THEMIS: variants seen among roughly 807,000 people sequenced by gnomAD.
THEMIS encodes protein THEMIS.
THEMIS carries 37 observed loss-of-function variants against 52.6 expected under a neutral mutation model. That is an observed-to-expected ratio of 0.70 (90% CI 0.54 to 0.93). THEMIS has a LOEUF of 0.93. Among genes scored for constraint, THEMIS ranks in the 40% least tolerant of loss-of-function variants. The pLI, the probability that THEMIS is intolerant of heterozygous loss-of-function variation, is 0.00. For synonymous variants in THEMIS, 292 were observed against 272.7 expected, an observed-to-expected ratio of 1.07 and a Z score of -0.70; for missense variants, 808 against 763.1, an observed-to-expected ratio of 1.06 and a Z score of -0.69.
At chr6:127,865,339 G>A (rs1014392676) in intron 1 of THEMIS, among the ~76,000 whole-genome samples, 1 of 152,098 alleles carries the variant, frequency 6.6e-6, no homozygotes, top group African/African-American at 2.4e-5. Context: ...GGTTTATAAG[G>A]TATCTCTAAG....
rs369097146 is a variant in THEMIS at position 127,813,856 on chromosome 6, T to C, written c.785A>G (p.Asn262Ser). The C allele has an allele frequency of 7.4e-6, 12 of 1,612,834 alleles. No individual in the cohort carries two copies. In the African/African-American group the frequency reaches 1.6e-4, roughly 22 times the overall value. Residue 262 changes from asparagine to serine, a missense_variant, in exon 4 of 6, where the codon AAC becomes AGC. Transcript: ENST00000368248. ...VKDITDSYDA[N>S]WFLQLLSTED... ...TGTTGATAACAGCTGAAGAAACCAG[T>C]TAGCATCGTAAGAATCAGTGATGTC...
chr6:127,850,448 A>G (rs1234935339), intron 2 of THEMIS, among the ~76,000 whole-genome samples: 1 of 151,914 alleles, frequency 6.6e-6, no homozygotes, highest in Non-Finnish European at 1.5e-5. Context: ...CATGTTTATA[A>G]CAGCACAATT....
Position 127,832,777 on chromosome 6 carries a change from C to CTTTTTTTTTTTTTTT in THEMIS, c.251-2858_251-2844dup, listed in dbSNP as rs11355741. ...CTATTTCCACCTAGGATTGTCAGAT[C>CTTTTTTTTTTTTTTT]TTTTTTTTTTTTTTTTTTTTTTTTG... On this transcript the variant is annotated intron_variant, in intron 2 of 5. Transcript: ENST00000368248. Among the ~76,000 whole-genome samples, 112 of 57,804 alleles carry CTTTTTTTTTTTTTTT rather than the reference C, an allele frequency of 1.9e-3. 22 individuals are homozygous for CTTTTTTTTTTTTTTT. Among genetic ancestry groups the CTTTTTTTTTTTTTTT allele is most frequent in the East Asian group, 2.5e-3 (4 of 1,612 alleles). The allele number at this position is 57,804 out of a possible 152,430, so 37.9% of individuals were successfully genotyped here. A position where few individuals can be genotyped will look rare whatever the true frequency, so the allele number is the denominator to read the frequency against.
chr6:127,780,494 T>A (rs975237836), intron 4 of THEMIS, among the ~76,000 whole-genome samples: 3 of 152,234 alleles, frequency 2.0e-5, no homozygotes, highest in Admixed American at 2.0e-4. Flanking sequence ...ATAGTGTTGA[T>A]GGTCTTTACA....
chr6:127,862,096 C>T (rs1456044304), intron 1 of THEMIS, among the ~76,000 whole-genome samples: 1 of 152,016 alleles, frequency 6.6e-6, no homozygotes, highest in Non-Finnish European at 1.5e-5. Flanking sequence ...AGGATGTAGT[C>T]TCAAGGAGTT....
At chr6:127,828,291 A>G (rs1778577420) in intron 3 of THEMIS, among the ~76,000 whole-genome samples, 1 of 152,228 alleles carries the variant, frequency 6.6e-6, no homozygotes, top group South Asian at 2.1e-4. Context: ...AAAATCAAAG[A>G]AATCTCAATT....
chr6:127,725,816 A>C (rs1774525558), intron 4 of THEMIS, among the ~76,000 whole-genome samples: 1 of 151,986 alleles, frequency 6.6e-6, no homozygotes, highest in Non-Finnish European at 1.5e-5. Context: ...CTATCTTTTG[A>C]CCCTTTCCTG....
intron 3 of THEMIS, among the ~76,000 whole-genome samples, chr6:127,814,351 G>T (rs1360271677): frequency 6.6e-6 from 1 of 152,066 alleles, no homozygotes; most frequent in Non-Finnish European, 1.5e-5. Flanking sequence ...TTATATGAAG[G>T]TTTATAAATT....
At chr6:127,859,541 C>T (rs1779727631) in intron 1 of THEMIS, among the ~76,000 whole-genome samples, 1 of 151,978 alleles carries the variant, frequency 6.6e-6, no homozygotes. Flanking sequence ...AATTTTGTGT[C>T]ATTGTAAAAT....
chr6:127,815,361 C>T (rs1013946190), intron 3 of THEMIS, among the ~76,000 whole-genome samples: 7 of 151,828 alleles, frequency 4.6e-5, no homozygotes, highest in African/African-American at 1.7e-4. Flanking sequence ...ATTTAGAAGA[C>T]AGAATATCCT....
intron 4 of THEMIS, among the ~76,000 whole-genome samples, chr6:127,764,554 C>T (rs1349755158): frequency 6.6e-6 from 1 of 151,958 alleles, no homozygotes; most frequent in Non-Finnish European, 1.5e-5. Flanking sequence ...CTTATCCACT[C>T]CTTGACTATT....
At chr6:127,891,554 A>G (rs1373656184) in intron 1 of THEMIS, among the ~76,000 whole-genome samples, 3 of 117,554 alleles carry the variant, frequency 2.6e-5, no homozygotes, top group Admixed American at 1.0e-4. Context: ...AAAAAAAAAA[A>G]AAGAAAGAAA....
chr6:127,757,412 A>G (rs1363425964), intron 4 of THEMIS, among the ~76,000 whole-genome samples: 1 of 152,210 alleles, frequency 6.6e-6, no homozygotes, highest in African/African-American at 2.4e-5. Flanking sequence ...AATGGCAGAT[A>G]GCTATAGACG....
chr6:127,852,925 A>G (rs955757277), intron 2 of THEMIS, among the ~76,000 whole-genome samples: 1 of 151,578 alleles, frequency 6.6e-6, no homozygotes, highest in Admixed American at 6.6e-5. Context: ...TAATAGATGC[A>G]AGATTATCAT....
chr6:127,864,746 C>A (rs1391534610), intron 1 of THEMIS, among the ~76,000 whole-genome samples: 2 of 152,072 alleles, frequency 1.3e-5, no homozygotes, highest in African/African-American at 4.8e-5. Context: ...CAACACTTAC[C>A]TGAACGTCCA....
intron 1 of THEMIS, among the ~76,000 whole-genome samples, chr6:127,871,660 C>A (rs962324925): frequency 1.3e-5 from 2 of 151,998 alleles, no homozygotes; most frequent in Non-Finnish European, 2.9e-5. Context: ...ATAAGGGAAT[C>A]AATTTTACCA....
At chr6:127,850,807 G>A (rs1270002919) in intron 2 of THEMIS, among the ~76,000 whole-genome samples, 2 of 151,522 alleles carry the variant, frequency 1.3e-5, no homozygotes, top group South Asian at 2.1e-4. Flanking sequence ...GTTGGTGGGT[G>A]CACTAAAATC....
chr6:127,794,398 C>T (rs150357918), intron 4 of THEMIS, among the ~76,000 whole-genome samples: 3 of 152,322 alleles, frequency 2.0e-5, no homozygotes, highest in African/African-American at 7.2e-5. Context: ...CTACAACAAC[C>T]TCAAGGACCT....
chr6:127,897,633 T>G (rs1420999883), intron 1 of THEMIS, among the ~76,000 whole-genome samples: 1 of 151,588 alleles, frequency 6.6e-6, no homozygotes, highest in African/African-American at 2.4e-5. Flanking sequence ...TTAAGAAGAC[T>G]GATAATATCG....
Sources: gnomAD v4.1 joint callset for allele counts (sites outside exome capture counted in the v4.1 genomes callset) on GRCh38, gnomAD v4.1.1 for gene constraint, MANE v1.5 for transcripts, NCBI Gene and HGNC (gene_info 2026-07-23, HGNC 2026-07-21) for gene names.